MTREX: variants seen among roughly 807,000 people sequenced by gnomAD.
The protein encoded by MTREX is Mtr4 exosome RNA helicase, also known as exosome RNA helicase MTR4.
In MTREX, 76 loss-of-function variants were observed where a neutral mutation model predicts 135.4. That is an observed-to-expected ratio of 0.56 (90% CI 0.47 to 0.68). MTREX has a LOEUF of 0.68. Ranked by LOEUF, MTREX falls within the 30% of genes least tolerant of loss-of-function variation. The probability of loss-of-function intolerance (pLI) is 0.00; values close to 1 mark genes in which losing one functional copy is unlikely to be tolerated. For missense variants in MTREX, 920 were observed against 1,262.1 expected (o/e 0.73, Z 4.11); for synonymous variants, 404 against 401.6 (o/e 1.01, Z -0.07).
In MTREX at chr5:55,322,407, A is replaced by G. The variant is rs1749303397; in HGVS notation, c.215A>G (p.Asp72Gly). ...NKRDVDFEGT[D>G]EPIFGKKPRI... ...AGAGATGTAGATTTCGAAGGTACAG[A>G]TGAACCCATTTTTGGAAAGAAGCCC... Residue 72 changes from aspartate to glycine, a missense_variant, in exon 2 of 27, where the codon GAT becomes GGT. By Grantham distance (94) the Asp-to-Gly change is moderately conservative (BLOSUM62 -1). Coordinates refer to ENST00000230640, the MANE Select transcript of MTREX (RefSeq NM_015360.5). 3.7e-6 allele frequency: 6 copies of G among 1,610,014 alleles called. No homozygotes were observed. Among genetic ancestry groups the G allele is most frequent in the South Asian group, 2.2e-5 (2 of 90,336 alleles).
chr5:55,332,572 G>A (rs1160013917), intron 5 of MTREX, among the ~76,000 whole-genome samples: 1 of 152,172 alleles, frequency 6.6e-6, no homozygotes, highest in African/African-American at 2.4e-5. Context: ...TGGAAGCTGA[G>A]AAAACCAAGA....
At chr5:55,399,836 C>T (rs1256625450) in intron 20 of MTREX, among the ~76,000 whole-genome samples, 2 of 152,108 alleles carry the variant, frequency 1.3e-5, no homozygotes, top group Non-Finnish European at 2.9e-5. Context: ...AGTGCCCTCC[C>T]TAGGCATCAA....
intron 1 of MTREX, among the ~76,000 whole-genome samples, chr5:55,318,881 T>C (rs1749242288): frequency 6.6e-6 from 1 of 152,136 alleles, no homozygotes. Flanking sequence ...CTAAATGTCA[T>C]TTCAGGTAGT....
intron 16 of MTREX, among the ~76,000 whole-genome samples, chr5:55,368,278 A>G (rs1750136463): frequency 6.6e-6 from 1 of 151,896 alleles, no homozygotes; most frequent in African/African-American, 2.4e-5. Context: ...ATGAAACCCC[A>G]TCTCTACTAA....
intron 16 of MTREX, among the ~76,000 whole-genome samples, chr5:55,372,719 G>T (rs767292087): frequency 1.3e-5 from 2 of 151,948 alleles, no homozygotes; most frequent in Non-Finnish European, 2.9e-5. Flanking sequence ...CTTACCTCAC[G>T]CCATATACAA....
chr5:55,340,593 A>T (rs905298266), intron 6 of MTREX, among the ~76,000 whole-genome samples: 9 of 151,770 alleles, frequency 5.9e-5, no homozygotes, highest in African/African-American at 1.9e-4. Context: ...TTATTTATTT[A>T]TTTTTTGAGA....
At chr5:55,371,629 CTTAAA>C (rs1176342778) in intron 16 of MTREX, among the ~76,000 whole-genome samples, 2 of 152,260 alleles carry the variant, frequency 1.3e-5, no homozygotes, top group African/African-American at 2.4e-5. Flanking sequence ...AGGTACTATC[CTTAAA>C]TTAAGTTAAT....
chr5:55,326,905 G>A (rs1749388073), intron 3 of MTREX, among the ~76,000 whole-genome samples: 1 of 151,972 alleles, frequency 6.6e-6, no homozygotes, highest in Non-Finnish European at 1.5e-5. Flanking sequence ...GTGTCCATGT[G>A]TTCTCATTGT....
intron 22 of MTREX, among the ~76,000 whole-genome samples, chr5:55,409,745 G>A (rs1207078353): frequency 6.6e-6 from 1 of 152,212 alleles, no homozygotes; most frequent in Non-Finnish European, 1.5e-5. Context: ...AACAGACGTA[G>A]TGATGAGCTA....
chr5:55,347,159 C>A lies in MTREX; in HGVS notation c.1240+15C>A. On this transcript the variant is annotated intron_variant, in intron 11 of 26. Transcript: ENST00000230640. Reference sequence around the variant, plus strand: ...TTTCAACACAGGTACTACATCATTTCAGTATCATTTTAATGTTATGTGAAA... The same window carrying A: ...TTTCAACACAGGTACTACATCATTTAAGTATCATTTTAATGTTATGTGAAA... 1 of 1,582,032 alleles carries A rather than the reference C, an allele frequency of 6.3e-7. No homozygotes were observed. Among genetic ancestry groups the A allele is most frequent in the South Asian group, 1.2e-5 (1 of 84,890 alleles).
intron 1 of MTREX, among the ~76,000 whole-genome samples, chr5:55,312,736 T>G (rs762117631): frequency 3.0e-4 from 46 of 152,322 alleles, no homozygotes; most frequent in South Asian, 8.3e-4. Flanking sequence ...GACATTTGAG[T>G]TGTTTCTGTT....
At chr5:55,313,273 C>CAA (rs34340973) in intron 1 of MTREX, among the ~76,000 whole-genome samples, 132 of 97,052 alleles carry the variant, frequency 1.4e-3, no homozygotes, top group African/African-American at 4.1e-3. Flanking sequence ...CCTGTCTCTA[C>CAA]AAAAAAAAAA....
chr5:55,327,400 C>G (rs997785358), intron 3 of MTREX: 5 of 209,014 alleles, frequency 2.4e-5, no homozygotes, highest in Admixed American at 1.6e-4. Flanking sequence ...TTGTTTTCTA[C>G]CCACTGTGTT....
chr5:55,393,631 C>G (rs989638153), intron 19 of MTREX, among the ~76,000 whole-genome samples: 1 of 152,130 alleles, frequency 6.6e-6, no homozygotes, highest in Non-Finnish European at 1.5e-5. Flanking sequence ...TTTAAAAGGT[C>G]TAAGGATAAA....
intron 3 of MTREX, among the ~76,000 whole-genome samples, chr5:55,326,357 G>A (rs1037311468): frequency 1.3e-5 from 2 of 152,022 alleles, no homozygotes; most frequent in East Asian, 3.9e-4. Flanking sequence ...CTGAGATCAC[G>A]CCACTGTACT....
intron 19 of MTREX, among the ~76,000 whole-genome samples, chr5:55,396,093 A>C (rs1163093571): frequency 1.3e-5 from 2 of 152,222 alleles, no homozygotes; most frequent in Non-Finnish European, 2.9e-5. Flanking sequence ...ATAACTAATT[A>C]GTGAATTGAA....
intron 16 of MTREX, among the ~76,000 whole-genome samples, chr5:55,369,373 C>T (rs1477908635): frequency 6.6e-6 from 1 of 152,208 alleles, no homozygotes; most frequent in Non-Finnish European, 1.5e-5. Context: ...TACATACACA[C>T]ACAGCTAGCA....
At chr5:55,386,387 C>G (rs531752366) in intron 18 of MTREX, among the ~76,000 whole-genome samples, 1 of 152,104 alleles carries the variant, frequency 6.6e-6, no homozygotes, top group African/African-American at 2.4e-5. Flanking sequence ...TAATAGAACA[C>G]TTAACTAGTT....
intron 16 of MTREX, among the ~76,000 whole-genome samples, chr5:55,373,376 A>G (rs1750239112): frequency 6.6e-6 from 1 of 151,930 alleles, no homozygotes; most frequent in African/African-American, 2.4e-5. Context: ...TCTAATTAAA[A>G]GTCACTATAA....
Sources: allele counts gnomAD v4.1 joint callset (sites outside exome capture counted in the v4.1 genomes callset), GRCh38; gene constraint gnomAD v4.1.1; transcripts MANE v1.5; gene names NCBI Gene and HGNC (gene_info 2026-07-23, HGNC 2026-07-21).